The following SLC24A4 variants were observed in gnomAD, a reference collection of about 807,000 sequenced individuals.
SLC24A4 encodes the protein sodium/potassium/calcium exchanger 4.
In SLC24A4, 53 loss-of-function variants were observed where a neutral mutation model predicts 79.0. The ratio of observed to expected loss-of-function variants is 0.67; its 90% CI spans 0.54 to 0.84. The LOEUF is 0.84. Among genes scored for constraint, SLC24A4 ranks in the 40% least tolerant of loss-of-function variants. SLC24A4 has a pLI of 0.00. For synonymous variants in SLC24A4, 323 were observed against 323.8 expected (o/e 1.00, Z 0.03); for missense variants, 731 against 822.0 (o/e 0.89, Z 1.35).
chr14:92,454,111 T>G, intron 11 of SLC24A4, 42 bp downstream of exon 11: 1 of 1,589,168 alleles, frequency 6.3e-7, no homozygotes, highest in Non-Finnish European at 8.6e-7. Context: ...CAGCCTTGGA[T>G]GCAGGAGGCC....
intron 2 of SLC24A4, among the ~76,000 whole-genome samples, chr14:92,431,686 C>T (rs909134054): frequency 1.9e-4 from 29 of 152,230 alleles, no homozygotes; most frequent in Non-Finnish European, 2.9e-4. Flanking sequence ...AGAAGCCATT[C>T]GTTCTCCTCC....
intron 2 of SLC24A4, among the ~76,000 whole-genome samples, chr14:92,411,719 C>T (rs760080577): frequency 6.6e-5 from 10 of 152,136 alleles, no homozygotes; most frequent in Non-Finnish European, 1.0e-4. Context: ...GATTATGTGC[C>T]TTCCTTCCCA....
rs368724966 is a variant in SLC24A4 at position 92,379,615 on chromosome 14, G to T, written c.241+53637G>T. Among the ~76,000 whole-genome samples, 6 of 152,276 alleles carry T rather than the reference G, an allele frequency of 3.9e-5. 1 individual carries two copies. Among genetic ancestry groups the T allele is most frequent in the African/African-American group, 4.8e-5 (2 of 41,556 alleles). On this transcript the variant is annotated intron_variant, in intron 2 of 16. Transcript: ENST00000532405. ...TCCCTCCCCATTCAAGGACTGGTGA[G>T]CCCTTGCCTGAAGGGCATGGGAGTG...
chr14:92,354,764 A>G (rs781606592), intron 2 of SLC24A4, among the ~76,000 whole-genome samples: 3 of 152,044 alleles, frequency 2.0e-5, no homozygotes, highest in Non-Finnish European at 1.5e-5. Flanking sequence ...CACTTGGAGT[A>G]CCAGGGCCCT....
intron 2 of SLC24A4, among the ~76,000 whole-genome samples, chr14:92,390,031 A>C (rs1000538552): frequency 6.6e-6 from 1 of 151,340 alleles, no homozygotes; most frequent in African/African-American, 2.4e-5. Context: ...CTCTTCCCCC[A>C]TCTGCTTTGT....
chr14:92,376,682 A>G (rs916253660), intron 2 of SLC24A4, among the ~76,000 whole-genome samples: 4 of 152,236 alleles, frequency 2.6e-5, no homozygotes, highest in Non-Finnish European at 4.4e-5. Flanking sequence ...TCCCAGCTCC[A>G]AGGTCAGCTG....
chr14:92,444,045 A>G (rs571566486), intron 7 of SLC24A4, among the ~76,000 whole-genome samples: 1 of 152,098 alleles, frequency 6.6e-6, no homozygotes, highest in African/African-American at 2.4e-5. Context: ...GCAAGTCACC[A>G]GGTGCAGCCC....
At chr14:92,349,459 C>T (rs997207501) in intron 2 of SLC24A4, among the ~76,000 whole-genome samples, 1 of 152,218 alleles carries the variant, frequency 6.6e-6, no homozygotes. Context: ...CGTGCCCAGC[C>T]TAGAAGATGT....
At chr14:92,434,113 A>T in intron 3 of SLC24A4, 125 bp downstream of exon 3, 1 of 763,222 alleles carries the variant, frequency 1.3e-6, no homozygotes, top group Non-Finnish European at 2.3e-6. Flanking sequence ...GAGAGCGGAG[A>T]CTGGGCATGT....
At chr14:92,340,742 G>A (rs1446627164) in intron 2 of SLC24A4, among the ~76,000 whole-genome samples, 1 of 152,024 alleles carries the variant, frequency 6.6e-6, no homozygotes, top group Non-Finnish European at 1.5e-5. Flanking sequence ...AACCGAGAGG[G>A]GGCACGGATC....
chr14:92,407,431 C>G (rs1188817878), intron 2 of SLC24A4, among the ~76,000 whole-genome samples: 1 of 152,178 alleles, frequency 6.6e-6, no homozygotes, highest in Non-Finnish European at 1.5e-5. Context: ...AGCAGTACCC[C>G]ACTCTTGATG....
intron 2 of SLC24A4, among the ~76,000 whole-genome samples, chr14:92,331,756 A>G (rs1363808564): frequency 6.6e-6 from 1 of 152,206 alleles, no homozygotes; most frequent in African/African-American, 2.4e-5. Context: ...GGTCACTTCT[A>G]TGTGGATTTT....
At chr14:92,330,131 C>T (rs536766062) in intron 2 of SLC24A4, among the ~76,000 whole-genome samples, 1 of 128,756 alleles carries the variant, frequency 7.8e-6, no homozygotes, top group Non-Finnish European at 1.6e-5. Flanking sequence ...CACCTGGGAG[C>T]ATGTCAGGAA....
At chr14:92,385,572 C>T (rs544419463) in intron 2 of SLC24A4, among the ~76,000 whole-genome samples, 6 of 152,092 alleles carry the variant, frequency 3.9e-5, no homozygotes, top group Non-Finnish European at 8.8e-5. Context: ...GACCATTTCA[C>T]CCATTATTAT....
At chr14:92,371,646 C>T (rs922245191) in intron 2 of SLC24A4, among the ~76,000 whole-genome samples, 2 of 152,212 alleles carry the variant, frequency 1.3e-5, no homozygotes, top group Non-Finnish European at 1.5e-5. Context: ...CTCTCTACAA[C>T]ACAGAACTGT....
At chr14:92,351,099 T>G (rs1189332686) in intron 2 of SLC24A4, among the ~76,000 whole-genome samples, 1 of 152,162 alleles carries the variant, frequency 6.6e-6, no homozygotes, top group Non-Finnish European at 1.5e-5. Flanking sequence ...CATAAGCCAC[T>G]CAATCTATGG....
chr14:92,372,997 C>CTTCT (rs371278187), intron 2 of SLC24A4, among the ~76,000 whole-genome samples: 88 of 139,408 alleles, frequency 6.3e-4, no homozygotes, highest in East Asian at 1.3e-3. Context: ...CTCTCTCTCT[C>CTTCT]TTCTTTCTTT....
At chr14:92,426,351 C>T (rs923893261) in intron 2 of SLC24A4, among the ~76,000 whole-genome samples, 5 of 152,002 alleles carry the variant, frequency 3.3e-5, no homozygotes, top group Admixed American at 3.3e-4. Flanking sequence ...GCAAGAGAGA[C>T]GGGGAGAAGT....
At chr14:92,383,102 C>T (rs1013195010) in intron 2 of SLC24A4, among the ~76,000 whole-genome samples, 7 of 152,170 alleles carry the variant, frequency 4.6e-5, no homozygotes, top group Non-Finnish European at 7.3e-5. Context: ...CTCCCCAGCC[C>T]ATCATTTCTA....
Sources: allele counts gnomAD v4.1 joint callset (sites outside exome capture counted in the v4.1 genomes callset), GRCh38; gene constraint gnomAD v4.1.1; transcripts MANE v1.5; gene names NCBI Gene and HGNC (gene_info 2026-07-23, HGNC 2026-07-21).